Variants in CASP1 observed in about 807,000 individuals in gnomAD.
The protein encoded by CASP1 is caspase 1.
A neutral mutation model predicts 41.2 loss-of-function variants in CASP1; 31 were observed. That is an observed-to-expected ratio of 0.75 (90% CI 0.57 to 1.02). The LOEUF (loss-of-function observed/expected upper bound fraction) is 1.02, where lower values mean the gene tolerates loss of function less well. Ranked by LOEUF, CASP1 falls within the 50% of genes least tolerant of loss-of-function variation. The pLI is 0.00. For synonymous variants in CASP1, 163 were observed against 166.5 expected (o/e 0.98, Z 0.16); for missense variants, 490 against 495.7 (o/e 0.99, Z 0.11).
At chr11:105,036,358 C>T (rs1333268797), upstream of CASP1, among the ~76,000 whole-genome samples, 3 of 152,088 alleles carry the variant, frequency 2.0e-5, no homozygotes, top group Non-Finnish European at 4.4e-5. Context: ...TGGTCCTTTC[C>T]CCTTTGGTCT....
At chr11:105,027,855 G>A (rs1863417483) in intron 7 of CASP1, among the ~76,000 whole-genome samples, 1 of 152,092 alleles carries the variant, frequency 6.6e-6, no homozygotes, top group Non-Finnish European at 1.5e-5. Context: ...TGATGTGGTT[G>A]GGATTGGCAC....
intron 1 of CASP1, 52 bp from the exon 2 acceptor site, chr11:105,034,526 C>G: frequency 6.2e-7 from 1 of 1,605,924 alleles, no homozygotes. Flanking sequence ...TCATATTCCT[C>G]TCATGTAATC....
intron 4 of CASP1, 169 bp from the exon 5 acceptor site, chr11:105,030,672 G>C (rs1243238689): frequency 1.8e-6 from 1 of 557,408 alleles, no homozygotes; most frequent in Admixed American, 3.6e-5. Context: ...AGTATGCATG[G>C]ACATTGCAAA....
At chr11:105,032,634 A>G (rs1227630299) in intron 3 of CASP1, among the ~76,000 whole-genome samples, 1 of 152,208 alleles carries the variant, frequency 6.6e-6, no homozygotes, top group Non-Finnish European at 1.5e-5. Flanking sequence ...GAGGTGCATG[A>G]GAAGGAAGGG....
intron 1 of CASP1, chr11:105,034,785 C>A: frequency 1.7e-6 from 1 of 596,422 alleles, no homozygotes; most frequent in African/African-American, 1.9e-5. Flanking sequence ...TAGCCCATTT[C>A]ATTTAGGAAC....
intron 7 of CASP1, chr11:105,027,184 A>T (rs192303014): frequency 3.6e-5 from 22 of 613,434 alleles, no homozygotes; most frequent in Admixed American, 2.2e-4. Context: ...ATGCATTCTG[A>T]TATTTAATAG....
upstream of CASP1, among the ~76,000 whole-genome samples, chr11:105,035,616 C>CTTTTTTTTTTTTTTT (rs770202897): frequency 1.0e-3 from 53 of 52,086 alleles, 1 homozygote; most frequent in South Asian, 1.9e-3. Context: ...TTTTTTCTTT[C>CTTTTTTTTTTTTTTT]TGTTTTTTTT....
At chr11:105,033,956 G>A in intron 2 of CASP1, 1 of 768,058 alleles carries the variant, frequency 1.3e-6, no homozygotes, top group Non-Finnish European at 2.3e-6. Flanking sequence ...TGGTTCTCAA[G>A]AGCTTCAGTA....
chr11:105,029,626 AT>A, intron 6 of CASP1, 38 bp downstream of exon 6: 1 of 1,455,312 alleles, frequency 6.9e-7, no homozygotes, highest in Non-Finnish European at 9.7e-7. Flanking sequence ...GTAGGATAGT[AT>A]TTGATTGTCT....
At chr11:105,035,618 G>T (rs506673), upstream of CASP1, among the ~76,000 whole-genome samples, 28,806 of 103,336 alleles carry the variant, frequency 0.28, 5,233 homozygotes, top group African/African-American at 0.45. Context: ...TTTTCTTTCT[G>T]TTTTTTTTTT....
At chr11:105,030,298 A>G in intron 5 of CASP1, 32 bp downstream of exon 5, 1 of 1,559,352 alleles carries the variant, frequency 6.4e-7, no homozygotes, top group Non-Finnish European at 8.8e-7. Context: ...CGAAGGGCAT[A>G]ACCATTGTTT....
At chr11:105,027,571 G>A (rs2134811372) in intron 7 of CASP1, among the ~76,000 whole-genome samples, 1 of 152,130 alleles carries the variant, frequency 6.6e-6, no homozygotes, top group East Asian at 1.9e-4. Flanking sequence ...ATTATGCAAA[G>A]GAAGTCATAA....
rs113814955 is a variant in CASP1 at position 105,033,363 on chromosome 11, T to C, written c.275-237A>G. Among the ~76,000 whole-genome samples the C allele has an allele frequency of 1.8e-3, 279 of 152,328 alleles. 1 individual carries two copies. Among genetic ancestry groups the C allele is most frequent in the African/African-American group, 6.3e-3 (260 of 41,578 alleles). ...TAGATGAAAACAGAAACATCTGCAATGTCTGCTTAGACAGGCATAAGCTTT... is the reference window on the plus strand; with the variant it reads ...TAGATGAAAACAGAAACATCTGCAACGTCTGCTTAGACAGGCATAAGCTTT... On this transcript the variant is annotated intron_variant, in intron 2 of 8. Transcript: ENST00000533400.
chr11:105,026,623 G>A (rs929023015), intron 8 of CASP1: 7 of 601,438 alleles, frequency 1.2e-5, no homozygotes, highest in Non-Finnish European at 2.1e-5. Flanking sequence ...CAGGGCAGGA[G>A]CGGGGTGAAA....
rs572355244 is a variant in CASP1, at chr11:105,026,343, A to G, written c.1130T>C (p.Phe377Ser). ...EEIFRKVRFS[F>S]EQPDGRAQMP... The stretch of plus-strand genomic sequence containing the variant: ...CTGCGCTCTACCATCTGGCTGCTCA[A>G]ATGAAAATCGAACCTAAAAGAGTAA... Residue 377 changes from phenylalanine to serine, a missense_variant, in exon 9 of 9, where the codon TTT (phenylalanine) becomes TCT (serine). Phe to Ser is a radical substitution (Grantham distance 155). Coordinates refer to ENST00000533400, the MANE Select transcript of CASP1 (RefSeq NM_001257118.3). The G allele has an allele frequency of 1.9e-6, 3 of 1,610,264 alleles. No individual in the cohort carries two copies. In the African/African-American group the frequency reaches 4.0e-5, roughly 22 times the overall value.
intron 1 of CASP1, 149 bp downstream of exon 1, chr11:105,034,958 C>G: frequency 9.7e-7 from 1 of 1,034,754 alleles, no homozygotes; most frequent in East Asian, 2.4e-5. Flanking sequence ...CAAGAATCTT[C>G]TAGTTCCTTC....
chr11:105,035,618 G>GTTTTTTTTTT (rs56746743), upstream of CASP1, among the ~76,000 whole-genome samples: 25,811 of 102,056 alleles, frequency 0.25, 5,306 homozygotes, highest in East Asian at 0.35. Flanking sequence ...TTTTCTTTCT[G>GTTTTTTTTTT]TTTTTTTTTT....
At chr11:105,026,715 A>C in intron 8 of CASP1, 127 bp downstream of exon 8, 2 of 653,732 alleles carry the variant, frequency 3.1e-6, no homozygotes, top group Middle Eastern at 3.9e-4. Flanking sequence ...AAAGAACTCC[A>C]AAACTCTTTT....
chr11:105,035,647 A>G (rs1420267833), upstream of CASP1, among the ~76,000 whole-genome samples: 1 of 66,220 alleles, frequency 1.5e-5, no homozygotes, highest in African/African-American at 6.5e-5. Context: ...ACAGGGTATC[A>G]TTCTGTCGTG....
Sources: allele counts gnomAD v4.1 joint callset (sites outside exome capture counted in the v4.1 genomes callset), GRCh38; gene constraint gnomAD v4.1.1; transcripts MANE v1.5; gene names NCBI Gene and HGNC (gene_info 2026-07-23, HGNC 2026-07-21).